SEC22A: variants seen among roughly 807,000 people sequenced by gnomAD.
The protein encoded by SEC22A is SEC22 homolog A, vesicle trafficking protein.
In SEC22A, 22 loss-of-function variants were observed where a neutral mutation model predicts 35.3. That is an observed-to-expected ratio of 0.62 (90% CI 0.45 to 0.89). The LOEUF is 0.89. SEC22A is among the 40% of genes least tolerant of loss of function. The pLI, the probability that SEC22A is intolerant of heterozygous loss-of-function variation, is 0.00. For missense variants in SEC22A, 354 were observed against 362.5 expected (o/e 0.98, Z 0.19); for synonymous variants, 119 against 129.5 (o/e 0.92, Z 0.55).
intron 5 of SEC22A, among the ~76,000 whole-genome samples, chr3:123,258,966 C>T (rs1435020698): frequency 6.6e-6 from 1 of 152,064 alleles, no homozygotes; most frequent in Non-Finnish European, 1.5e-5. Flanking sequence ...CTCTGGGTGG[C>T]TGTTTTTCTA....
chr3:123,222,188 C>T (rs1043940835), intron 2 of SEC22A, among the ~76,000 whole-genome samples: 3 of 142,920 alleles, frequency 2.1e-5, no homozygotes, highest in African/African-American at 7.8e-5. Flanking sequence ...TGTATTTAGT[C>T]GTCATATCTC....
chr3:123,250,489 T>C (rs957046466), intron 5 of SEC22A, among the ~76,000 whole-genome samples: 1 of 152,124 alleles, frequency 6.6e-6, no homozygotes, highest in African/African-American at 2.4e-5. Flanking sequence ...TGATATTCTT[T>C]AGTTAGGTGT....
intron 5 of SEC22A, among the ~76,000 whole-genome samples, chr3:123,255,241 C>T (rs979524886): frequency 1.3e-5 from 2 of 152,080 alleles, no homozygotes; most frequent in African/African-American, 2.4e-5. Context: ...ATCTCTCATC[C>T]GTTCATTTTT....
intron 6 of SEC22A, among the ~76,000 whole-genome samples, chr3:123,262,830 G>A (rs79520071): frequency 0.03 from 4,573 of 152,322 alleles, 220 homozygotes; most frequent in African/African-American, 0.1. Flanking sequence ...AGACATATGT[G>A]TATGGGTAAA....
intron 6 of SEC22A, among the ~76,000 whole-genome samples, chr3:123,261,134 C>CA (rs1370854043): frequency 1.3e-5 from 2 of 151,894 alleles, no homozygotes; most frequent in Non-Finnish European, 1.5e-5. Context: ...CGCGCCTGAC[C>CA]AAAAAAATTG....
intron 4 of SEC22A, among the ~76,000 whole-genome samples, chr3:123,241,411 T>C (rs925544484): frequency 3.3e-5 from 5 of 152,178 alleles, no homozygotes; most frequent in African/African-American, 1.2e-4. Context: ...TTCTCTCTTA[T>C]CTTCCACAGT....
chr3:123,230,139 G>A (rs1465921684), intron 4 of SEC22A, among the ~76,000 whole-genome samples: 5 of 151,968 alleles, frequency 3.3e-5, no homozygotes, highest in African/African-American at 9.7e-5. Flanking sequence ...ACTCTGACTC[G>A]TAAAAATACA....
intron 6 of SEC22A, among the ~76,000 whole-genome samples, chr3:123,270,899 C>A (rs1938145569): frequency 2.0e-5 from 3 of 152,138 alleles, no homozygotes; most frequent in Admixed American, 6.6e-5. Context: ...TATAATTCTT[C>A]CCCATTAAAA....
chr3:123,267,566 AATG>A (rs1938054775), intron 6 of SEC22A, among the ~76,000 whole-genome samples: 1 of 152,158 alleles, frequency 6.6e-6, no homozygotes, highest in Non-Finnish European at 1.5e-5. Context: ...CCAGTGTTAT[AATG>A]ATTTTTTTTT....
Position 123,264,931 on chromosome 3 carries a change from G to A in SEC22A, c.723+5342G>A, listed in dbSNP as rs558188383. 5.7e-4 allele frequency among the ~76,000 whole-genome samples: 87 copies of A among 152,108 alleles called. 1 individual carries two copies. In the South Asian group the frequency reaches 0.017, roughly 30 times the overall value. On this transcript the variant is annotated intron_variant, in intron 6 of 6. Transcript: ENST00000492595. ...CAAAGCTCTGGGATTATAAGCGTGA[G>A]CCACCGAGCCCGGCCTTGCTTATTT...
At chr3:123,233,363 T>C (rs895706313) in intron 4 of SEC22A, among the ~76,000 whole-genome samples, 78 of 152,308 alleles carry the variant, frequency 5.1e-4, no homozygotes, top group Non-Finnish European at 3.5e-4. Flanking sequence ...AGGTATGTAT[T>C]AGGGTATACT....
At chr3:123,214,166 G>T (rs899390165) in intron 2 of SEC22A, among the ~76,000 whole-genome samples, 1 of 152,182 alleles carries the variant, frequency 6.6e-6, no homozygotes, top group Admixed American at 6.5e-5. Context: ...CTGCACTCCA[G>T]CCTGGGCAAC....
chr3:123,234,752 G>T (rs1283837298), intron 4 of SEC22A, among the ~76,000 whole-genome samples: 1 of 152,186 alleles, frequency 6.6e-6, no homozygotes, highest in Non-Finnish European at 1.5e-5. Flanking sequence ...GCTGGGCTCA[G>T]TGGCTCACGC....
intron 6 of SEC22A, among the ~76,000 whole-genome samples, chr3:123,268,573 C>T (rs6789971): frequency 0.021 from 3,231 of 152,192 alleles, 108 homozygotes; most frequent in African/African-American, 0.074. Flanking sequence ...GTCCCTGAGC[C>T]GTTGTTTTTA....
intron 5 of SEC22A, among the ~76,000 whole-genome samples, chr3:123,259,303 G>A (rs750297630): frequency 4.6e-5 from 7 of 151,892 alleles, no homozygotes; most frequent in Non-Finnish European, 1.0e-4. Flanking sequence ...AAATTGATGG[G>A]GGTGGCCAAA....
chr3:123,225,927 C>A (rs1004366961), intron 4 of SEC22A, among the ~76,000 whole-genome samples: 1 of 145,396 alleles, frequency 6.9e-6, no homozygotes, highest in East Asian at 2.0e-4. Context: ...TTAGCTCCCA[C>A]AAATGAGTGA....
intron 2 of SEC22A, among the ~76,000 whole-genome samples, chr3:123,221,460 G>A (rs1456551520): frequency 1.9e-5 from 2 of 103,104 alleles, no homozygotes; most frequent in African/African-American, 7.9e-5. Flanking sequence ...GACAGAGCAA[G>A]AGTCCATCTC....
chr3:123,220,637 G>T (rs1576487144), intron 2 of SEC22A, among the ~76,000 whole-genome samples: 1 of 151,836 alleles, frequency 6.6e-6, no homozygotes, highest in East Asian at 1.9e-4. Flanking sequence ...GGAAAATGCT[G>T]TAGTTCACTA....
In SEC22A at chr3:123,246,000, G is replaced by C; in HGVS notation, c.643G>C (p.Glu215Gln). ...TTTAATTCGAGGCTTTCATGCTATA[G>C]AAAGTCTCCTGCAGGTACTGTGCTA... ...LNLIRGFHAI[E>Q]SLLQSDGDDF... is the part of the protein sequence containing the mutation. Residue 215 changes from glutamate to glutamine, a missense_variant, in exon 5 of 7, where the codon GAA becomes CAA. Transcript: ENST00000492595. 2 of 1,600,834 alleles carry C rather than the reference G, an allele frequency of 1.2e-6. No individual in the cohort carries two copies. Among genetic ancestry groups the C allele is most frequent in the Non-Finnish European group, 1.7e-6 (2 of 1,168,080 alleles).
Sources: allele counts gnomAD v4.1 joint callset (sites outside exome capture counted in the v4.1 genomes callset), GRCh38; gene constraint gnomAD v4.1.1; transcripts MANE v1.5; gene names NCBI Gene and HGNC (gene_info 2026-07-23, HGNC 2026-07-21).